VAV2: variants seen among roughly 807,000 people sequenced by gnomAD.
VAV2 encodes the protein guanine nucleotide exchange factor VAV2.
VAV2 carries 67 observed loss-of-function variants against 132.5 expected under a neutral mutation model. The observed-to-expected ratio is 0.51, with a 90% CI of 0.42 to 0.62. VAV2 has a LOEUF of 0.62. Ranked by LOEUF, VAV2 falls within the 20% of genes least tolerant of loss-of-function variation. The pLI is 0.00. For missense variants in VAV2, 938 were observed against 1,153.6 expected (o/e 0.81, Z 2.71); for synonymous variants, 492 against 443.5 (o/e 1.11, Z -1.37).
In VAV2 at chr9:133,827,176, T is replaced by C. The variant is rs532967131; in HGVS notation, c.449+7096A>G. Reference sequence around the variant, plus strand: ...AAGAAGCCAATGTGCCACCTACCGCTGCGCCCACTGGGGCTGACCACTGAG... The same window carrying C: ...AAGAAGCCAATGTGCCACCTACCGCCGCGCCCACTGGGGCTGACCACTGAG... On this transcript the variant is annotated intron_variant, in intron 4 of 29. Coordinates refer to ENST00000371850, the MANE Select transcript of VAV2 (RefSeq NM_001134398.2). 6.7e-4 allele frequency among the ~76,000 whole-genome samples: 101 copies of C among 150,976 alleles called. 3 individuals are homozygous for C. Among genetic ancestry groups the C allele is most frequent in the African/African-American group, 2.4e-3 (98 of 40,740 alleles).
rs960080690 is a variant in VAV2 at position 133,762,520 on chromosome 9, C to T, written c.*1542G>A. 2.6e-5 allele frequency: 4 copies of T among 152,338 alleles called. No individual in the cohort carries two copies. The highest frequency in any genetic ancestry group is 7.2e-5 in the African/African-American group (3 of 41,434). The allele number at this position is 152,338 out of a possible 1,614,324, so 9.4% of individuals were successfully genotyped here. On this transcript the variant is annotated 3_prime_UTR_variant, in exon 30 of 30. Coordinates refer to ENST00000371850, the MANE Select transcript of VAV2 (RefSeq NM_001134398.2). The surrounding 1 kb of genome is among the most constrained non-coding windows in gnomAD (Gnocchi z 5.0). ...CCGCCATCCTCCGCGCCTGCTGGGC[C>T]GCAGGTCGCAAAGTGCTGGGTGTAC...
chr9:133,780,785 G>A (rs993900291), intron 19 of VAV2, 75 bp from the exon 20 acceptor site: 61 of 1,246,804 alleles, frequency 4.9e-5, no homozygotes, highest in African/African-American at 6.2e-5. Flanking sequence ...CACTCACACC[G>A]CCCCGAGCCT....
chr9:133,940,683 G>GTT (rs1242062704), intron 1 of VAV2, among the ~76,000 whole-genome samples: 3 of 128,386 alleles, frequency 2.3e-5, no homozygotes, highest in African/African-American at 8.1e-5. Flanking sequence ...GTGTGTGTGT[G>GTT]TGTGTGTGTG....
rs1318759725 is a variant in VAV2, at chr9:133,834,630, G to A, written c.381-290C>T. ...TGGGAAGACGAGAGGCCCAGGTCAG[G>A]GCTGCAGAAAGCGTTCATCTGCTGG... On this transcript the variant is annotated intron_variant, in intron 3 of 29. Coordinates refer to ENST00000371850, the MANE Select transcript of VAV2 (RefSeq NM_001134398.2). The surrounding 1 kb of genome is among the most constrained non-coding windows in gnomAD (Gnocchi z 5.9). Among the ~76,000 whole-genome samples, 1 of 152,242 alleles carries A rather than the reference G, an allele frequency of 6.6e-6. No homozygotes were observed. Among genetic ancestry groups the A allele is most frequent in the African/African-American group, 2.4e-5 (1 of 41,480 alleles).
At position 133,834,071 on chromosome 9, in the gene VAV2, A is replaced by T. The variant is rs997687814; in HGVS notation, c.449+201T>A. The stretch of plus-strand genomic sequence containing the variant: ...GGATATGAAGATCTGCTCATGTCTG[A>T]GGTCTCTCAGATGCATGCCTTCCCA... On this transcript the variant is annotated intron_variant, in intron 4 of 29. Coordinates refer to ENST00000371850, the MANE Select transcript of VAV2 (RefSeq NM_001134398.2). The surrounding 1 kb of genome is among the most constrained non-coding windows in gnomAD (Gnocchi z 5.9). Among the ~76,000 whole-genome samples, 2 of 152,174 alleles carry T rather than the reference A, an allele frequency of 1.3e-5. No individual in the cohort carries two copies. Among genetic ancestry groups the T allele is most frequent in the African/African-American group, 4.8e-5 (2 of 41,444 alleles).
intron 1 of VAV2, among the ~76,000 whole-genome samples, chr9:133,951,141 GC>G (rs748317811): frequency 1.3e-5 from 2 of 152,206 alleles, no homozygotes; most frequent in African/African-American, 2.4e-5. Flanking sequence ...GTAAAACTGA[GC>G]CTCCTTCTAT....
At position 133,928,184 on chromosome 9, in the gene VAV2, T is replaced by TGC. The variant is rs1840547397; in HGVS notation, c.321+10918_321+10919insGC. On this transcript the variant is annotated intron_variant, in intron 2 of 29. Coordinates refer to ENST00000371850, the MANE Select transcript of VAV2 (RefSeq NM_001134398.2). This position sits in a 1 kb window ranked among gnomAD's most constrained non-coding sequence, Gnocchi z 5.4. ...CTTACCGACTCCGTGTGTGTGTGTG[T>TGC]GTGTGCGTGCATGTGTGTATGTCTG... Among the ~76,000 whole-genome samples, 2 of 41,518 alleles carry TGC rather than the reference T, an allele frequency of 4.8e-5. No homozygotes were observed. The highest frequency in any genetic ancestry group is 2.2e-4 in the Non-Finnish European group (2 of 9,180). The allele number at this position is 41,518 out of a possible 152,430, so 27.2% of individuals were successfully genotyped here.
intron 1 of VAV2, among the ~76,000 whole-genome samples, chr9:133,952,361 T>C (rs1163755837): frequency 6.6e-6 from 1 of 152,098 alleles, no homozygotes; most frequent in African/African-American, 2.4e-5. Flanking sequence ...CCCAGCACTT[T>C]GGGAGGCCGA....
chr9:133,914,966 G>A (rs1011200183), intron 2 of VAV2, among the ~76,000 whole-genome samples: 26 of 152,076 alleles, frequency 1.7e-4, no homozygotes, highest in South Asian at 2.1e-4. Context: ...TGGGCCAAGC[G>A]GCATCAAACC....
intron 3 of VAV2, among the ~76,000 whole-genome samples, chr9:133,856,455 GC>G (rs996293775): frequency 6.6e-6 from 1 of 151,490 alleles, no homozygotes; most frequent in Non-Finnish European, 1.5e-5. Context: ...GCTGGTATGT[GC>G]CCCCCACCGG....
chr9:133,955,461 C>T (rs1317139644), intron 1 of VAV2, among the ~76,000 whole-genome samples: 1 of 114,482 alleles, frequency 8.7e-6, no homozygotes, highest in African/African-American at 3.4e-5. Context: ...CCCCACTCCC[C>T]CTGCCATGCT....
At chr9:133,851,725 T>C (rs138654345) in intron 3 of VAV2, among the ~76,000 whole-genome samples, 1 of 149,514 alleles carries the variant, frequency 6.7e-6, no homozygotes, top group Non-Finnish European at 1.5e-5. Context: ...GATGAATAGA[T>C]GGGTGAATGA....
chr9:133,928,347 ACTCTGAAGGCCTTTGCCAACAG>A lies in VAV2; in HGVS notation c.321+10734_321+10755del, dbSNP rs1840554646. 6.6e-6 allele frequency among the ~76,000 whole-genome samples: 1 copy of A among 152,110 alleles called. No individual in the cohort carries two copies. The highest frequency in any genetic ancestry group is 2.4e-5 in the African/African-American group (1 of 41,418). On this transcript the variant is annotated intron_variant, in intron 2 of 29. Coordinates refer to ENST00000371850, the MANE Select transcript of VAV2 (RefSeq NM_001134398.2). The surrounding 1 kb of genome is among the most constrained non-coding windows in gnomAD (Gnocchi z 5.4). ...AAAGAGGAAATGTTTTCAAGCAGAA[ACTCTGAAGGCCTTTGCCAACAG>A]CCCCTGCGCCGGGCTCTGCCGGGAG...
intron 1 of VAV2, among the ~76,000 whole-genome samples, chr9:133,975,770 C>T (rs1370623583): frequency 1.3e-5 from 2 of 152,180 alleles, no homozygotes; most frequent in African/African-American, 2.4e-5. Context: ...ATATCTCATA[C>T]CTGTATGTTC....
chr9:133,771,610 G>A (rs959389096), intron 26 of VAV2, among the ~76,000 whole-genome samples: 18 of 152,158 alleles, frequency 1.2e-4, no homozygotes, highest in Non-Finnish European at 2.2e-4. Context: ...GGGGCTACCC[G>A]GCCAGGCCCC....
chr9:133,844,321 G>T (rs1239859671), intron 3 of VAV2, among the ~76,000 whole-genome samples: 1 of 152,188 alleles, frequency 6.6e-6, no homozygotes, highest in African/African-American at 2.4e-5. Context: ...TCCTTCCCCG[G>T]TGAGCATGCA....
At chr9:133,967,546 C>A (rs1036485281) in intron 1 of VAV2, among the ~76,000 whole-genome samples, 1 of 152,156 alleles carries the variant, frequency 6.6e-6, no homozygotes, top group Non-Finnish European at 1.5e-5. Flanking sequence ...GAATACTATT[C>A]AGCCATGAAA....
At chr9:133,808,814 G>C (rs776784227) in intron 7 of VAV2, among the ~76,000 whole-genome samples, 5 of 152,240 alleles carry the variant, frequency 3.3e-5, no homozygotes, top group Non-Finnish European at 7.3e-5. Flanking sequence ...AGGAGGAGCA[G>C]GGACAGGCGC....
At chr9:133,977,432 G>A (rs1842550480) in intron 1 of VAV2, among the ~76,000 whole-genome samples, 1 of 152,292 alleles carries the variant, frequency 6.6e-6, no homozygotes, top group East Asian at 1.9e-4. Flanking sequence ...TCATGAGCAT[G>A]AAGGACTAGA....
Sources: gnomAD v4.1 joint callset for allele counts (sites outside exome capture counted in the v4.1 genomes callset) on GRCh38, gnomAD v4.1.1 for gene constraint, Gnocchi (gnomAD v3.1) non-coding constraint, MANE v1.5 for transcripts, NCBI Gene and HGNC (gene_info 2026-07-23, HGNC 2026-07-21) for gene names.